The following LIPC variants were observed in gnomAD, a reference collection of about 807,000 sequenced individuals.
The protein encoded by LIPC is lipase C, hepatic type, also known as hepatic triacylglycerol lipase.
LIPC carries 44 observed loss-of-function variants against 50.7 expected under a neutral mutation model. That is an observed-to-expected ratio of 0.87 (90% CI 0.68 to 1.11). The LOEUF is 1.11. LIPC is among the 50% of genes most tolerant of loss of function. LIPC has a pLI of 0.00. For synonymous variants in LIPC, 271 were observed against 256.4 expected (o/e 1.06, Z -0.54); for missense variants, 697 against 648.2 (o/e 1.08, Z -0.82).
chr15:58,541,913 C>T lies in LIPC; in HGVS notation c.402C>T (p.Val134=). Residue 134 remains valine (V), a synonymous_variant, in exon 3 of 9, where the codon GTC becomes GTT. Transcript: ENST00000299022. ...CCCACGACCACTACACCATCGCCGT[C>T]CGCAACACCCGCCTTGTGGGCAAGG... The part of the protein sequence containing the change: ...TLAHDHYTIA[V]RNTRLVGKEV... 2 of 1,611,854 alleles carry T rather than the reference C, an allele frequency of 1.2e-6. No individual in the cohort carries two copies. Among genetic ancestry groups the T allele is most frequent in the South Asian group, 1.1e-5 (1 of 90,936 alleles).
chr15:58,529,066 C>T (rs2140887859), intron 1 of LIPC, among the ~76,000 whole-genome samples: 1 of 152,236 alleles, frequency 6.6e-6, no homozygotes, highest in Non-Finnish European at 1.5e-5. Context: ...GTAAGCTTCA[C>T]TTGGCAATTG....
chr15:58,478,727 T>C (rs1353783209), intron 1 of LIPC, among the ~76,000 whole-genome samples: 7 of 152,220 alleles, frequency 4.6e-5, no homozygotes, highest in Non-Finnish European at 1.0e-4. Context: ...CTTGAGCTAC[T>C]AGAACTACTG....
intron 1 of LIPC, among the ~76,000 whole-genome samples, chr15:58,506,067 A>G (rs1029584334): frequency 1.4e-5 from 2 of 146,686 alleles, no homozygotes; most frequent in Admixed American, 6.7e-5. Context: ...GCCCCTCCCC[A>G]CTCTGTCTCT....
At chr15:58,550,589 T>A in intron 6 of LIPC, among the ~76,000 whole-genome samples, 1 of 152,036 alleles carries the variant, frequency 6.6e-6, no homozygotes, top group East Asian at 1.9e-4. Flanking sequence ...CGTATATTCT[T>A]CAAACACAGT....
At chr15:58,538,164 T>C (rs371538238) in intron 1 of LIPC, among the ~76,000 whole-genome samples, 169 bp from the exon 2 acceptor site, 2 of 152,306 alleles carry the variant, frequency 1.3e-5, no homozygotes, top group East Asian at 1.9e-4. Flanking sequence ...ACTTGGCCAT[T>C]CCACTGGAAA....
At chr15:58,465,107 T>C (rs1309492993) in intron 1 of LIPC, among the ~76,000 whole-genome samples, 1 of 152,172 alleles carries the variant, frequency 6.6e-6, no homozygotes, top group African/African-American at 2.4e-5. Flanking sequence ...GCTACCTTAC[T>C]TTTCTGATGT....
chr15:58,470,671 C>A (rs537830442), intron 1 of LIPC, among the ~76,000 whole-genome samples: 1 of 148,502 alleles, frequency 6.7e-6, no homozygotes, highest in East Asian at 2.0e-4. Context: ...GAGATCTCGG[C>A]TCACCGCAAC....
At chr15:58,529,746 T>A (rs1370310323) in intron 1 of LIPC, among the ~76,000 whole-genome samples, 1 of 152,162 alleles carries the variant, frequency 6.6e-6, no homozygotes, top group South Asian at 2.1e-4. Flanking sequence ...CTGGCTTGAA[T>A]GTCAGGAGAG....
chr15:58,541,996 C>A (rs1403370637), intron 3 of LIPC, 29 bp downstream of exon 3: 3 of 1,588,466 alleles, frequency 1.9e-6, no homozygotes, highest in Non-Finnish European at 2.6e-6. Flanking sequence ...CTTCCTTCAC[C>A]TCCCTTCCCT....
chr15:58,436,961 A>G, intron 1 of LIPC: 1 of 428,532 alleles, frequency 2.3e-6, no homozygotes, highest in Non-Finnish European at 4.7e-6. Context: ...TGATAGCAAC[A>G]CTTGTTAAAC....
chr15:58,467,324 C>T lies in LIPC; in HGVS notation c.88+35204C>T, dbSNP rs565169311. ...GGGCTTCCTGCTTGTGGAGCAGAAC[C>T]TTTGCTTGCGGGCTCCTTGTGTCTG... On this transcript the variant is annotated intron_variant, in intron 1 of 8. Transcript: ENST00000299022. Among the ~76,000 whole-genome samples the T allele has an allele frequency of 6.4e-4, 97 of 152,320 alleles. 1 individual carries two copies. The highest frequency in any genetic ancestry group is 2.2e-3 in the African/African-American group (92 of 41,556).
At chr15:58,521,362 C>T (rs1892645689) in intron 1 of LIPC, 1 of 152,378 alleles carries the variant, frequency 6.6e-6, no homozygotes, top group African/African-American at 2.4e-5. Flanking sequence ...ACAGCCCCAT[C>T]CTCAAGGTCT....
chr15:58,464,841 T>A (rs533382142), intron 1 of LIPC, among the ~76,000 whole-genome samples: 3 of 152,266 alleles, frequency 2.0e-5, no homozygotes, highest in Admixed American at 6.5e-5. Flanking sequence ...GGTGTGGTGG[T>A]GTGCACCTGT....
At chr15:58,443,859 T>C (rs1595851324) in intron 1 of LIPC, among the ~76,000 whole-genome samples, 1 of 151,942 alleles carries the variant, frequency 6.6e-6, no homozygotes, top group African/African-American at 2.4e-5. Flanking sequence ...GGGCAGGGGG[T>C]GGATCTCACA....
intron 1 of LIPC, among the ~76,000 whole-genome samples, chr15:58,489,997 G>T (rs1462914719): frequency 6.8e-6 from 1 of 147,662 alleles, no homozygotes; most frequent in Non-Finnish European, 1.5e-5. Flanking sequence ...TGCTAATACT[G>T]TGGGGAAAAG....
chr15:58,478,072 G>T (rs1891059078), intron 1 of LIPC, among the ~76,000 whole-genome samples: 1 of 152,044 alleles, frequency 6.6e-6, no homozygotes, highest in Non-Finnish European at 1.5e-5. Context: ...CCATAGCTCA[G>T]TGTACCCAAG....
In LIPC at chr15:58,569,536, T is replaced by C. The variant is rs1353799837; in HGVS notation, c.*709T>C. 6.6e-6 allele frequency: 1 copy of C among 152,228 alleles called. No individual in the cohort carries two copies. The highest frequency in any genetic ancestry group is 1.5e-5 in the Non-Finnish European group (1 of 68,038). 9.4% of individuals were successfully genotyped at this position (152,228 alleles called of 1,614,324 possible). A position where few individuals can be genotyped will look rare whatever the true frequency, so the allele number is the denominator to read the frequency against. On this transcript the variant is annotated 3_prime_UTR_variant, in exon 9 of 9. Transcript: ENST00000299022. ...TTGGAATGTCTCAAAGCATTTGCTA[T>C]GGACTGAATGTTTGAGTCACCCCAA...
At chr15:58,503,215 C>G (rs1356754073) in intron 1 of LIPC, among the ~76,000 whole-genome samples, 2 of 152,142 alleles carry the variant, frequency 1.3e-5, no homozygotes, top group Admixed American at 6.5e-5. Flanking sequence ...TTCCCAGAGT[C>G]ACACAGCCTC....
intron 1 of LIPC, chr15:58,473,664 G>C (rs973041816): frequency 1.3e-5 from 2 of 152,224 alleles, no homozygotes; most frequent in African/African-American, 4.8e-5. Context: ...CAGTTAGGGG[G>C]CTTTGCTTAA....
Sources: allele counts gnomAD v4.1 joint callset (sites outside exome capture counted in the v4.1 genomes callset), GRCh38; gene constraint gnomAD v4.1.1; transcripts MANE v1.5; gene names NCBI Gene and HGNC (gene_info 2026-07-23, HGNC 2026-07-21).